UAP1L1: variants seen among roughly 807,000 people sequenced by gnomAD.
The protein encoded by UAP1L1 is UDP-N-acetylglucosamine pyrophosphorylase 1 like 1, also known as UDP-N-acetylhexosamine pyrophosphorylase-like protein 1.
UAP1L1 carries 45 observed loss-of-function variants against 45.3 expected under a neutral mutation model. The observed-to-expected ratio is 0.99, with a 90% CI of 0.78 to 1.27. UAP1L1 has a LOEUF of 1.27. Among genes scored for constraint, UAP1L1 ranks in the 50% most tolerant of loss-of-function variants. UAP1L1 has a pLI of 0.00. For missense variants in UAP1L1, 667 were observed against 694.0 expected (o/e 0.96, Z 0.44); for synonymous variants, 323 against 303.9 (o/e 1.06, Z -0.65).
At position 137,084,344 on chromosome 9, in the gene UAP1L1, CTTTG is replaced by C. The variant is rs1832836701; in HGVS notation, c.*1617_*1620del. On this transcript the variant is annotated 3_prime_UTR_variant, in exon 9 of 9. Coordinates refer to ENST00000409858, the MANE Select transcript of UAP1L1 (RefSeq NM_207309.3). ...CACCCACTACCACGCCTGGCTAATTCTTTGTATTTTTAGTAGAGATGGGGTTTGA... is the reference window on the plus strand; with the variant it reads ...CACCCACTACCACGCCTGGCTAATTCTATTTTTAGTAGAGATGGGGTTTGA... The C allele has an allele frequency of 6.6e-6, 1 of 152,108 alleles. No homozygotes were observed. The highest frequency in any genetic ancestry group is 2.4e-5 in the African/African-American group (1 of 41,390). The allele number at this position is 152,108 out of a possible 1,614,324, so 9.4% of individuals were successfully genotyped here. A position where few individuals can be genotyped will look rare whatever the true frequency, so the allele number is the denominator to read the frequency against.
chr9:137,083,974 G>A lies in UAP1L1; in HGVS notation c.*1245G>A, dbSNP rs960095423. 3 of 152,514 alleles carry A rather than the reference G, an allele frequency of 2.0e-5. No homozygotes were observed. Among genetic ancestry groups the A allele is most frequent in the African/African-American group, 7.2e-5 (3 of 41,456 alleles). The allele number at this position is 152,514 out of a possible 1,614,324, so 9.4% of individuals were successfully genotyped here. A position where few individuals can be genotyped will look rare whatever the true frequency, so the allele number is the denominator to read the frequency against. On this transcript the variant is annotated 3_prime_UTR_variant, in exon 9 of 9. Coordinates refer to ENST00000409858, the MANE Select transcript of UAP1L1 (RefSeq NM_207309.3). Reference sequence around the variant, plus strand: ...GCACTGGGAGGACAGTGGCTGAGTGGAGGCGCCCAGACCTGGGCAGGCAGC... The same window carrying A: ...GCACTGGGAGGACAGTGGCTGAGTGAAGGCGCCCAGACCTGGGCAGGCAGC...
rs773522526 is a variant in UAP1L1, at chr9:137,080,871, C to G, written c.1361C>G (p.Pro454Arg). The change falls in exon 7 of 9, where the codon CCC (proline) becomes CGC (arginine). Residue 454 changes from proline to arginine, a missense_variant. By Grantham distance (103) the Pro-to-Arg change is moderately radical. Coordinates refer to ENST00000409858, the MANE Select transcript of UAP1L1 (RefSeq NM_207309.3). ...DAHGAWLPELPSLPPNGDPPA... is the reference protein window; with the variant it reads ...DAHGAWLPELRSLPPNGDPPA... The stretch of plus-strand genomic sequence containing the variant: ...CATGGGGCCTGGCTCCCAGAGCTGC[C>G]CAGGTGAGTGTGGCCCTGGGGTAGC... The G allele has an allele frequency of 6.3e-7, 1 of 1,588,168 alleles. No individual in the cohort carries two copies. The highest frequency in any genetic ancestry group is 2.2e-5 in the East Asian group (1 of 44,574).
In UAP1L1 at chr9:137,082,176, A is replaced by G. The variant is rs1201511356; in HGVS notation, c.1431+112A>G. On this transcript the variant is annotated intron_variant, in intron 8 of 8. Transcript: ENST00000409858. The surrounding 1 kb of genome is among the most constrained non-coding windows in gnomAD (Gnocchi z 5.7). ...GGCACAGCTCTACCTCGGTTAACCA[A>G]TGGGGTCGGTGGTTTAAATTTGCAG... is the stretch of plus-strand genomic sequence containing the variant. The G allele has an allele frequency of 1.4e-5, 15 of 1,065,530 alleles. No individual in the cohort carries two copies. The highest frequency in any genetic ancestry group is 9.4e-5 in the African/African-American group (6 of 64,022). The allele number at this position is 1,065,530 out of a possible 1,614,324, so 66.0% of individuals were successfully genotyped here. A position where few individuals can be genotyped will look rare whatever the true frequency, so the allele number is the denominator to read the frequency against.
Position 137,082,181 on chromosome 9 carries a change from G to A in UAP1L1, c.1431+117G>A. On this transcript the variant is annotated intron_variant, in intron 8 of 8. Coordinates refer to ENST00000409858, the MANE Select transcript of UAP1L1 (RefSeq NM_207309.3). The surrounding 1 kb of genome is among the most constrained non-coding windows in gnomAD (Gnocchi z 5.7). ...AGCTCTACCTCGGTTAACCAATGGG[G>A]TCGGTGGTTTAAATTTGCAGAAGAC... 9.7e-7 allele frequency: 1 copy of A among 1,030,256 alleles called. No individual in the cohort carries two copies. 63.8% of individuals were successfully genotyped at this position (1,030,256 alleles called of 1,614,324 possible).
In UAP1L1 at chr9:137,077,752, C is replaced by A. The variant is rs1461812553; in HGVS notation, c.220C>A (p.Leu74Met). 8.1e-6 allele frequency: 10 copies of A among 1,233,744 alleles called. No homozygotes were observed. Among genetic ancestry groups the A allele is most frequent in the Non-Finnish European group, 1.0e-5 (10 of 988,330 alleles). 76.4% of individuals were successfully genotyped at this position (1,233,744 alleles called of 1,614,324 possible). The change falls in exon 1 of 9, where the codon CTG becomes ATG. Residue 74 changes from leucine to methionine, a missense_variant. Leu to Met is a conservative substitution (Grantham distance 15). Coordinates refer to ENST00000409858, the MANE Select transcript of UAP1L1 (RefSeq NM_207309.3). This position sits in a 1 kb window ranked among gnomAD's most constrained non-coding sequence, Gnocchi z 4.7. ...CGACTTGGCCGCGCGCCTGCGGCCC[C>A]TGCCCCCAGAGCGCGTGGGCAGGGC... ...PPDLAARLRP[L>M]PPERVGRASR... is the part of the protein sequence containing the mutation.
chr9:137,078,985 G>A lies in UAP1L1; in HGVS notation c.680G>A (p.Gly227Glu), dbSNP rs775540981. 1.3e-6 allele frequency: 2 copies of A among 1,585,720 alleles called. No homozygotes were observed. The highest frequency in any genetic ancestry group is 1.7e-6 in the Non-Finnish European group (2 of 1,172,182). Residue 227 changes from glycine (G) to glutamate (E), a missense_variant, in exon 4 of 9, where the codon GGG (glycine) becomes GAG (glutamate). Gly to Glu is a moderately conservative substitution (Grantham distance 98). Coordinates refer to ENST00000409858, the MANE Select transcript of UAP1L1 (RefSeq NM_207309.3). ...DKVAMAPDGN[G>E]GLYCALEDHK... Reference sequence around the variant, plus strand: ...CCTTCTCCGTCTGCAGACGGCAACGGGGGCCTCTACTGCGCGCTGGAGGAC... The same window carrying A: ...CCTTCTCCGTCTGCAGACGGCAACGAGGGCCTCTACTGCGCGCTGGAGGAC...
At position 137,078,081 on chromosome 9, in the gene UAP1L1, C is replaced by T; in HGVS notation, c.321C>T (p.Ala107=). The change falls in exon 2 of 9, where the codon GCC becomes GCT. Residue 107 remains alanine (A), a synonymous_variant. Transcript: ENST00000409858. ...GFRQISLNKV[A]VLLLAGGQGT... ...GTCAGATTTCTCTGAACAAGGTGGC[C>T]GTCCTGCTGCTGGCTGGGGGGCAGG... 1.0e-5 allele frequency: 16 copies of T among 1,550,106 alleles called. No homozygotes were observed. The highest frequency in any genetic ancestry group is 2.4e-5 in the South Asian group (2 of 84,060).
Position 137,080,619 on chromosome 9 carries a change from G to A in UAP1L1, c.1179-70G>A. On this transcript the variant is annotated intron_variant, in intron 6 of 8. Coordinates refer to ENST00000409858, the MANE Select transcript of UAP1L1 (RefSeq NM_207309.3). ...CCTTCACTCTGTCACTGGAAACCTGGCCCAGCTCTCACCTGCCCGGATCAG... is the reference window on the plus strand; with the variant it reads ...CCTTCACTCTGTCACTGGAAACCTGACCCAGCTCTCACCTGCCCGGATCAG... 12 of 1,473,888 alleles carry A rather than the reference G, an allele frequency of 8.1e-6. No homozygotes were observed. The South Asian group carries it at 1.5e-4, about 19-fold the overall frequency. 91.3% of individuals were successfully genotyped at this position (1,473,888 alleles called of 1,614,324 possible). A position where few individuals can be genotyped will look rare whatever the true frequency, so the allele number is the denominator to read the frequency against.
Position 137,077,879 on chromosome 9 carries a change from G to A in UAP1L1, c.289+58G>A. The A allele has an allele frequency of 1.4e-6, 2 of 1,464,302 alleles. No homozygotes were observed. The highest frequency in any genetic ancestry group is 2.8e-5 in the South Asian group (2 of 72,272). 90.7% of individuals were successfully genotyped at this position (1,464,302 alleles called of 1,614,324 possible). Reference sequence around the variant, plus strand: ...GGGGGTCGTGCCCACGGAGCGGGTGGGAACCGAGGCCGCGCTCGGGGAACT... The same window carrying A: ...GGGGGTCGTGCCCACGGAGCGGGTGAGAACCGAGGCCGCGCTCGGGGAACT... On this transcript the variant is annotated intron_variant, in intron 1 of 8. Transcript: ENST00000409858. This position sits in a 1 kb window ranked among gnomAD's most constrained non-coding sequence, Gnocchi z 4.7.
chr9:137,080,860 C>T lies in UAP1L1; in HGVS notation c.1350C>T (p.Leu450=). ...ARFLDAHGAW[L]PELPSLPPNG... is the part of the protein sequence containing the mutation. ...TCCTGGATGCCCATGGGGCCTGGCT[C>T]CCAGAGCTGCCCAGGTGAGTGTGGC... Residue 450 remains leucine, a synonymous_variant, in exon 7 of 9, where the codon CTC becomes CTT. Transcript: ENST00000409858. 1 of 1,596,124 alleles carries T rather than the reference C, an allele frequency of 6.3e-7. No individual in the cohort carries two copies. The highest frequency in any genetic ancestry group is 8.5e-7 in the Non-Finnish European group (1 of 1,175,762).
Position 137,079,127 on chromosome 9 carries a change from G to A in UAP1L1, c.822G>A (p.Gln274=), listed in dbSNP as rs770659951. 2.5e-5 allele frequency: 40 copies of A among 1,611,524 alleles called. No individual in the cohort carries two copies. Among genetic ancestry groups the A allele is most frequent in the Non-Finnish European group, 3.4e-5 (40 of 1,179,530 alleles). The part of the protein sequence containing the change: ...DPVFIGFCVL[Q]GADCGAKVVE... The stretch of plus-strand genomic sequence containing the variant: ...TCTTCATCGGCTTCTGTGTGTTGCA[G>A]GGCGCAGACTGTGGCGCCAAGGTTA... The change falls in exon 4 of 9, where the codon CAG becomes CAA. Residue 274 remains glutamine, a synonymous_variant. Transcript: ENST00000409858.
chr9:137,081,064 C>A (rs1365237068), intron 7 of UAP1L1, among the ~76,000 whole-genome samples, 190 bp downstream of exon 7: 1 of 152,232 alleles, frequency 6.6e-6, no homozygotes, highest in Non-Finnish European at 1.5e-5. Context: ...GGCACAGCCT[C>A]CTGGCCCGAC....
At chr9:137,081,455 C>T (rs909503594) in intron 7 of UAP1L1, among the ~76,000 whole-genome samples, 1 of 152,138 alleles carries the variant, frequency 6.6e-6, no homozygotes, top group Middle Eastern at 3.4e-3. Context: ...CTGTGATCTG[C>T]CCGCCTCGGC....
rs1832711155 is a variant in UAP1L1 at position 137,077,620 on chromosome 9, C to G, written c.88C>G (p.Pro30Ala). Residue 30 changes from proline (P) to alanine (A), a missense_variant, in exon 1 of 9, where the codon CCA becomes GCA. Transcript: ENST00000409858. This position sits in a 1 kb window ranked among gnomAD's most constrained non-coding sequence, Gnocchi z 4.7. ...CTTCTGGGCCGAGCTGGCGCCGGAG[C>G]CACGAGCCGCGCTGCTGGCGGAGCT... Reference protein sequence around the residue: ...LRFWAELAPEPRAALLAELAL... With the variant: ...LRFWAELAPEARAALLAELAL... 1 of 1,337,522 alleles carries G rather than the reference C, an allele frequency of 7.5e-7. No homozygotes were observed. The highest frequency in any genetic ancestry group is 9.7e-7 in the Non-Finnish European group (1 of 1,032,436). 82.9% of individuals were successfully genotyped at this position (1,337,522 alleles called of 1,614,324 possible). A position where few individuals can be genotyped will look rare whatever the true frequency, so the allele number is the denominator to read the frequency against.
rs1588574416 is a variant in UAP1L1, at chr9:137,082,905, G to T, written c.*176G>T. On this transcript the variant is annotated 3_prime_UTR_variant, in exon 9 of 9. Transcript: ENST00000409858. The surrounding 1 kb of genome is among the most constrained non-coding windows in gnomAD (Gnocchi z 5.7). ...GCTTCCAGCCTGCAGAACACAGAAT[G>T]AAACATGCTGGTAGACTCCACGAGG... 1.7e-6 allele frequency: 1 copy of T among 598,596 alleles called. No homozygotes were observed. The highest frequency in any genetic ancestry group is 4.5e-4 in the Middle Eastern group (1 of 2,210). 37.1% of individuals were successfully genotyped at this position (598,596 alleles called of 1,614,324 possible).
At chr9:137,078,367 C>G in intron 2 of UAP1L1, 113 bp downstream of exon 2, 1 of 1,567,930 alleles carries the variant, frequency 6.4e-7, no homozygotes, top group Non-Finnish European at 8.7e-7. Context: ...TTGCCCAGAA[C>G]CGGCCCAAAA....
Position 137,077,977 on chromosome 9 carries a change from CCA to C in UAP1L1, c.290-72_290-71del. Reference sequence around the variant, plus strand: ...GCCCCCGAGTCCTGGCGCCCCAGCCCCAGAGTTGGTTTCCCCTAAAGCGGAAG... The same window carrying C: ...GCCCCCGAGTCCTGGCGCCCCAGCCCGAGTTGGTTTCCCCTAAAGCGGAAG... On this transcript the variant is annotated intron_variant, in intron 1 of 8. Transcript: ENST00000409858. The surrounding 1 kb of genome is among the most constrained non-coding windows in gnomAD (Gnocchi z 4.7). The C allele has an allele frequency of 6.5e-7, 1 of 1,534,666 alleles. No homozygotes were observed. Among genetic ancestry groups the C allele is most frequent in the Non-Finnish European group, 8.7e-7 (1 of 1,146,126 alleles).
At chr9:137,081,043 C>T (rs1005600049) in intron 7 of UAP1L1, among the ~76,000 whole-genome samples, 169 bp downstream of exon 7, 5 of 152,210 alleles carry the variant, frequency 3.3e-5, no homozygotes, top group African/African-American at 9.6e-5. Context: ...CCAGGTCACA[C>T]GGTGACTGTC....
Position 137,077,898 on chromosome 9 carries a change from G to T in UAP1L1, c.289+77G>T. On this transcript the variant is annotated intron_variant, in intron 1 of 8. Coordinates refer to ENST00000409858, the MANE Select transcript of UAP1L1 (RefSeq NM_207309.3). This position sits in a 1 kb window ranked among gnomAD's most constrained non-coding sequence, Gnocchi z 4.7. The stretch of plus-strand genomic sequence containing the variant: ...CGGGTGGGAACCGAGGCCGCGCTCG[G>T]GGAACTGTAGTTCTCCTCGCTACTT... 1 of 1,469,784 alleles carries T rather than the reference G, an allele frequency of 6.8e-7. No homozygotes were observed. Among genetic ancestry groups the T allele is most frequent in the Non-Finnish European group, 9.0e-7 (1 of 1,113,494 alleles). The allele number at this position is 1,469,784 out of a possible 1,614,324, so 91.0% of individuals were successfully genotyped here. A position where few individuals can be genotyped will look rare whatever the true frequency, so the allele number is the denominator to read the frequency against.
Sources: gnomAD v4.1 joint callset for allele counts (sites outside exome capture counted in the v4.1 genomes callset) on GRCh38, gnomAD v4.1.1 for gene constraint, Gnocchi (gnomAD v3.1) non-coding constraint, MANE v1.5 for transcripts, NCBI Gene and HGNC (gene_info 2026-07-23, HGNC 2026-07-21) for gene names.